The following KIF19 variants were observed in gnomAD, a reference collection of about 807,000 sequenced individuals.
KIF19 encodes kinesin-like protein KIF19.
In KIF19, 98 loss-of-function variants were observed where a neutral mutation model predicts 106.6. That is an observed-to-expected ratio of 0.92 (90% confidence interval 0.78 to 1.09). The LOEUF (loss-of-function observed/expected upper bound fraction) is 1.09, where lower values mean the gene tolerates loss of function less well. Ranked by LOEUF, KIF19 falls within the 50% of genes least tolerant of loss-of-function variation. The probability of loss-of-function intolerance (pLI) is 0.00; values close to 1 mark genes in which losing one functional copy is unlikely to be tolerated. For synonymous variants in KIF19, 516 were observed against 584.2 expected, an observed-to-expected ratio of 0.88 and a Z score of 1.68; for missense variants, 1,373 against 1,414.3, an observed-to-expected ratio of 0.97 and a Z score of 0.47.
In KIF19 at chr17:74,326,268, G is replaced by A; in HGVS notation, c.-82G>A. 2 of 1,338,180 alleles carry A rather than the reference G, an allele frequency of 1.5e-6. No homozygotes were observed. The highest frequency in any genetic ancestry group is 1.5e-5 in the African/African-American group (1 of 65,988). 82.9% of individuals were successfully genotyped at this position (1,338,180 alleles called of 1,614,324 possible). The stretch of plus-strand genomic sequence containing the variant: ...GCGAGGCGGCGGGCAGCTAGCAGCT[G>A]GCGGACGCGACCCGGAGGCGGTGGG... On this transcript the variant is annotated 5_prime_UTR_variant, in exon 1 of 20. Transcript: ENST00000389916.
Position 74,353,720 on chromosome 17 carries a change from C to T in KIF19, c.2308+139C>T, listed in dbSNP as rs181001506. On this transcript the variant is annotated intron_variant, in intron 17 of 19. Transcript: ENST00000389916. The stretch of plus-strand genomic sequence containing the variant: ...GGGTGCTACACATTCTGTAGAGGCA[C>T]CATTGCCCCTGAGGATTAGTCAGTC... 1.3e-4 allele frequency: 93 copies of T among 710,550 alleles called. 1 individual carries two copies. In the East Asian group the frequency reaches 2.2e-3, roughly 17 times the overall value. 44.0% of individuals were successfully genotyped at this position (710,550 alleles called of 1,614,324 possible).
intron 2 of KIF19, among the ~76,000 whole-genome samples, chr17:74,341,177 A>G (rs2054363099): frequency 6.6e-6 from 1 of 152,218 alleles, no homozygotes; most frequent in Admixed American, 6.5e-5. Context: ...TCTACTAAAA[A>G]TACAGGTGGC....
intron 2 of KIF19, among the ~76,000 whole-genome samples, chr17:74,339,453 C>T (rs2054298854): frequency 6.6e-6 from 1 of 151,082 alleles, no homozygotes; most frequent in African/African-American, 2.5e-5. Flanking sequence ...TCCCTCGCCA[C>T]CTTCCCTCCC....
intron 2 of KIF19, among the ~76,000 whole-genome samples, chr17:74,334,990 T>C (rs1452262635): frequency 6.6e-6 from 1 of 152,186 alleles, no homozygotes; most frequent in Admixed American, 6.5e-5. Context: ...TGGGAAAAAC[T>C]TGAGGCCCAG....
At chr17:74,330,036 G>C (rs1382371923) in intron 2 of KIF19, among the ~76,000 whole-genome samples, 1 of 152,244 alleles carries the variant, frequency 6.6e-6, no homozygotes, top group Non-Finnish European at 1.5e-5. Flanking sequence ...TTCTTCAGCA[G>C]TGATGATGGA....
Position 74,346,705 on chromosome 17 carries a change from A to G in KIF19, c.924+181A>G, listed in dbSNP as rs371824946. 8.8e-4 allele frequency among the ~76,000 whole-genome samples: 134 copies of G among 152,362 alleles called. 1 individual carries two copies. Among genetic ancestry groups the G allele is most frequent in the African/African-American group, 3.1e-3 (129 of 41,596 alleles). On this transcript the variant is annotated intron_variant, in intron 8 of 19. Transcript: ENST00000389916. The surrounding 1 kb of genome is among the most constrained non-coding windows in gnomAD (Gnocchi z 4.6). ...TCTTATGCTAAAACAAAGTAATTGC[A>G]TATCTGAAATTCAAATTTAACTGGG...
chr17:74,346,615 C>A lies in KIF19; in HGVS notation c.924+91C>A. 1.6e-6 allele frequency: 2 copies of A among 1,250,300 alleles called. No homozygotes were observed. The highest frequency in any genetic ancestry group is 2.2e-6 in the Non-Finnish European group (2 of 896,012). 77.5% of individuals were successfully genotyped at this position (1,250,300 alleles called of 1,614,324 possible). A position where few individuals can be genotyped will look rare whatever the true frequency, so the allele number is the denominator to read the frequency against. ...AAATACAGGGCACCCAGCTAAATTC[C>A]AACCTCAGGATACACAGCAAAATTT... is the stretch of plus-strand genomic sequence containing the variant. On this transcript the variant is annotated intron_variant, in intron 8 of 19. Coordinates refer to ENST00000389916, the MANE Select transcript of KIF19 (RefSeq NM_153209.4). This position sits in a 1 kb window ranked among gnomAD's most constrained non-coding sequence, Gnocchi z 4.6.
chr17:74,346,397 G>T lies in KIF19; in HGVS notation c.797G>T (p.Arg266Leu), dbSNP rs370601800. Residue 266 changes from arginine to leucine, a missense_variant, in exon 8 of 20, where the codon CGT becomes CTT. Around this residue, in one of 3 missense-constraint regions of KIF19, gnomAD observed 348 missense variants for 389.5 expected, o/e 0.89. Transcript: ENST00000389916. The surrounding 1 kb of genome is among the most constrained non-coding windows in gnomAD (Gnocchi z 4.6). ...CCCTAGACACAGAATCGTGGGCAGC[G>T]TATGAAGGAGGGGGCCCACATCAAC... ...RASQTQNRGQ[R>L]MKEGAHINRS... 2 of 1,576,084 alleles carry T rather than the reference G, an allele frequency of 1.3e-6. No homozygotes were observed. The highest frequency in any genetic ancestry group is 3.6e-5 in the Admixed American group (2 of 55,372).
chr17:74,352,969 A>C lies in KIF19; in HGVS notation c.2114+15A>C. The C allele has an allele frequency of 6.2e-7, 1 of 1,613,132 alleles. No homozygotes were observed. Among genetic ancestry groups the C allele is most frequent in the Non-Finnish European group, 8.5e-7 (1 of 1,179,572 alleles). ...AGCACAGAGAGGTGAGATGGGGGCC[A>C]CCTGCCCCAGCCCCCACCCTGTGCC... On this transcript the variant is annotated intron_variant, in intron 15 of 19. Transcript: ENST00000389916.
Position 74,346,138 on chromosome 17 carries a change from T to C in KIF19, c.778-240T>C, listed in dbSNP as rs1425554395. On this transcript the variant is annotated intron_variant, in intron 7 of 19. Transcript: ENST00000389916. The surrounding 1 kb of genome is among the most constrained non-coding windows in gnomAD (Gnocchi z 4.6). Reference sequence around the variant, plus strand: ...TCAGGCCGTGCCACGGCACCTGCCCTGAGGAGAACCGGCCATCTCAGCCCT... The same window carrying C: ...TCAGGCCGTGCCACGGCACCTGCCCCGAGGAGAACCGGCCATCTCAGCCCT... Among the ~76,000 whole-genome samples the C allele has an allele frequency of 6.6e-6, 1 of 152,230 alleles. No individual in the cohort carries two copies. Among genetic ancestry groups the C allele is most frequent in the African/African-American group, 2.4e-5 (1 of 41,468 alleles).
Position 74,331,280 on chromosome 17 carries a change from C to T in KIF19, c.120+2775C>T, listed in dbSNP as rs1298854692. 2.0e-5 allele frequency among the ~76,000 whole-genome samples: 3 copies of T among 152,152 alleles called. No homozygotes were observed. The highest frequency in any genetic ancestry group is 2.9e-5 in the Non-Finnish European group (2 of 68,032). Reference sequence around the variant, plus strand: ...GCTGGCCCGTCAAAGCTCTGTCCTTCCTCCTAAGGCCTGGAGGCACCATGG... The same window carrying T: ...GCTGGCCCGTCAAAGCTCTGTCCTTTCTCCTAAGGCCTGGAGGCACCATGG... On this transcript the variant is annotated intron_variant, in intron 2 of 19. Transcript: ENST00000389916. This position sits in a 1 kb window ranked among gnomAD's most constrained non-coding sequence, Gnocchi z 4.1.
At chr17:74,338,220 G>C (rs1477221634) in intron 2 of KIF19, among the ~76,000 whole-genome samples, 2 of 152,260 alleles carry the variant, frequency 1.3e-5, no homozygotes, top group Admixed American at 1.3e-4. Context: ...ATTGGGATGA[G>C]AGCGGGAGCA....
At position 74,341,912 on chromosome 17, in the gene KIF19, G is replaced by A. The variant is rs891701014; in HGVS notation, c.157G>A (p.Asp53Asn). 3.1e-6 allele frequency: 5 copies of A among 1,613,596 alleles called. No individual in the cohort carries two copies. Among genetic ancestry groups the A allele is most frequent in the Non-Finnish European group, 4.2e-6 (5 of 1,179,846 alleles). The change falls in exon 3 of 20, where the codon GAC (aspartate) becomes AAC (asparagine). Residue 53 changes from aspartate (D) to asparagine (N), a missense_variant. This residue lies in a region of KIF19 where 348 missense variants were observed against 389.5 expected (regional missense o/e 0.89). Coordinates refer to ENST00000389916, the MANE Select transcript of KIF19 (RefSeq NM_153209.4). ...VLMDPMEDPD[D>N]ILRAHRSREK... The stretch of plus-strand genomic sequence containing the variant: ...CATGGACCCAATGGAGGATCCCGAC[G>A]ACATCCTGCGGGCGCATCGCTCCCG...
Position 74,351,891 on chromosome 17 carries a change from G to A in KIF19, c.1612G>A (p.Glu538Lys). The A allele has an allele frequency of 7.1e-7, 1 of 1,410,586 alleles. No individual in the cohort carries two copies. Among genetic ancestry groups the A allele is most frequent in the Non-Finnish European group, 9.2e-7 (1 of 1,090,804 alleles). The allele number at this position is 1,410,586 out of a possible 1,614,324, so 87.4% of individuals were successfully genotyped here. A position where few individuals can be genotyped will look rare whatever the true frequency, so the allele number is the denominator to read the frequency against. The change falls in exon 13 of 20, where the codon GAG (glutamate) becomes AAG (lysine). Residue 538 changes from glutamate (E) to lysine (K), a missense_variant. Coordinates refer to ENST00000389916, the MANE Select transcript of KIF19 (RefSeq NM_153209.4). ...GCTGGCGCTGGAGCAGCGCTGCCGGGAGCTGCGCGCGCGGGGCCGGCGCCT... is the reference window on the plus strand; with the variant it reads ...GCTGGCGCTGGAGCAGCGCTGCCGGAAGCTGCGCGCGCGGGGCCGGCGCCT... ...QKLALEQRCR[E>K]LRARGRRLEE... is the part of the protein sequence containing the mutation.
Position 74,326,261 on chromosome 17 carries a change from A to G in KIF19, c.-89A>G, listed in dbSNP as rs2053900972. On this transcript the variant is annotated 5_prime_UTR_variant, in exon 1 of 20. Transcript: ENST00000389916. ...GCAGCGCGCGAGGCGGCGGGCAGCT[A>G]GCAGCTGGCGGACGCGACCCGGAGG... 3 of 1,259,236 alleles carry G rather than the reference A, an allele frequency of 2.4e-6. No homozygotes were observed. Among genetic ancestry groups the G allele is most frequent in the Middle Eastern group, 2.0e-4 (1 of 5,088 alleles). 78.0% of individuals were successfully genotyped at this position (1,259,236 alleles called of 1,614,324 possible). A position where few individuals can be genotyped will look rare whatever the true frequency, so the allele number is the denominator to read the frequency against.
intron 1 of KIF19, among the ~76,000 whole-genome samples, chr17:74,327,371 G>T (rs1236871400): frequency 1.3e-5 from 2 of 152,368 alleles, no homozygotes; most frequent in Non-Finnish European, 2.9e-5. Flanking sequence ...GCCCCGGGGA[G>T]CAGGGATGAA....
chr17:74,351,822 G>A, intron 12 of KIF19, 45 bp from the exon 13 acceptor site: 6 of 1,368,460 alleles, frequency 4.4e-6, no homozygotes, highest in Non-Finnish European at 4.7e-6. Context: ...CAGGCGGATC[G>A]GACCCCTCTC....
intron 5 of KIF19, among the ~76,000 whole-genome samples, chr17:74,343,990 T>C (rs972988061): frequency 1.3e-5 from 2 of 152,146 alleles, no homozygotes; most frequent in Admixed American, 1.3e-4. Flanking sequence ...TTTCAAAGCC[T>C]CCTGTAACCT....
At position 74,343,156 on chromosome 17, in the gene KIF19, T is replaced by C; in HGVS notation, c.452T>C (p.Leu151Pro). The change falls in exon 5 of 20, where the codon CTG becomes CCG. Residue 151 changes from leucine (L) to proline (P), a missense_variant. Around this residue, in one of 3 missense-constraint regions of KIF19, gnomAD observed 348 missense variants for 389.5 expected, o/e 0.89. Coordinates refer to ENST00000389916, the MANE Select transcript of KIF19 (RefSeq NM_153209.4). ...GAGTATGAGGTCTCCATGTCCTACC[T>C]GGAGGTGAGTCCCCCAGCCTAGGCT... ...DMEYEVSMSY[L>P]EIYNEMIRDL... The C allele has an allele frequency of 6.2e-7, 1 of 1,612,182 alleles. No homozygotes were observed. Among genetic ancestry groups the C allele is most frequent in the Non-Finnish European group, 8.5e-7 (1 of 1,179,620 alleles).
Sources: gnomAD v4.1 joint callset for allele counts (sites outside exome capture counted in the v4.1 genomes callset) on GRCh38, gnomAD v4.1.1 for gene constraint, gnomAD v4.1.1 regional missense constraint, Gnocchi (gnomAD v3.1) non-coding constraint, MANE v1.5 for transcripts, NCBI Gene and HGNC (gene_info 2026-07-23, HGNC 2026-07-21) for gene names.